Variants in SARS1 observed in about 807,000 individuals in gnomAD.
The protein encoded by SARS1 is serine--tRNA ligase, cytoplasmic.
In SARS1, 25 loss-of-function variants were observed where a neutral mutation model predicts 63.7. That is an observed-to-expected ratio of 0.39 (90% CI 0.29 to 0.55). SARS1 has a LOEUF of 0.55. Among genes scored for constraint, SARS1 ranks in the 20% least tolerant of loss-of-function variants. The pLI is 0.62. For synonymous variants in SARS1, 231 were observed against 243.5 expected (o/e 0.95, Z 0.48); for missense variants, 417 against 649.7 (o/e 0.64, Z 3.89).
At chr1:109,221,102 C>T (rs1208880148) in intron 1 of SARS1, among the ~76,000 whole-genome samples, 2 of 149,830 alleles carry the variant, frequency 1.3e-5, no homozygotes, top group African/African-American at 2.5e-5. Flanking sequence ...CATTCTGTTA[C>T]CAGGCTGGAA....
chr1:109,236,747 C>CTCT (rs1475864104), intron 9 of SARS1, 199 bp downstream of exon 9: 12 of 1,541,252 alleles, frequency 7.8e-6, no homozygotes, highest in Non-Finnish European at 1.0e-5. Flanking sequence ...GAATCTAGCT[C>CTCT]TCTTCTATAA....
chr1:109,234,518 C>A (rs1233285546), intron 6 of SARS1, among the ~76,000 whole-genome samples: 1 of 151,996 alleles, frequency 6.6e-6, no homozygotes, highest in Non-Finnish European at 1.5e-5. Context: ...AACCTGTAAG[C>A]ACCAAGAAAG....
At chr1:109,220,695 G>T (rs184737581) in intron 1 of SARS1, among the ~76,000 whole-genome samples, 27 of 152,188 alleles carry the variant, frequency 1.8e-4, no homozygotes, top group Middle Eastern at 3.4e-3. Context: ...ATGAATAGAA[G>T]TTCCTAATTT....
At position 109,235,944 on chromosome 1, in the gene SARS1, G is replaced by A. The variant is rs76926703; in HGVS notation, c.970-33G>A. ...TTCAGTCCTTTATTCACCCTATACC[G>A]CTGTCACCGTTTCCTTGGGTCCCTC... On this transcript the variant is annotated intron_variant, in intron 7 of 10. Transcript: ENST00000234677. This position sits in a 1 kb window ranked among gnomAD's most constrained non-coding sequence, Gnocchi z 4.7. 112 of 1,577,468 alleles carry A rather than the reference G, an allele frequency of 7.1e-5. No homozygotes were observed. The East Asian group carries it at 1.0e-3, about 14-fold the overall frequency.
intron 1 of SARS1, among the ~76,000 whole-genome samples, chr1:109,220,440 T>TA (rs2101186048): frequency 1.3e-5 from 2 of 152,384 alleles, no homozygotes; most frequent in South Asian, 4.1e-4. Flanking sequence ...GTCTCATTGT[T>TA]ATTTTAATTT....
At chr1:109,215,703 G>T (rs1424813650) in intron 1 of SARS1, 7 of 913,508 alleles carry the variant, frequency 7.7e-6, no homozygotes, top group Non-Finnish European at 9.2e-6. Context: ...TCTTTTCTTT[G>T]TTTTGTTTTG....
In SARS1 at chr1:109,214,461, C is replaced by A; in HGVS notation, c.136+333C>A. The A allele has an allele frequency of 1.0e-6, 1 of 958,282 alleles. No individual in the cohort carries two copies. The highest frequency in any genetic ancestry group is 1.3e-6 in the Non-Finnish European group (1 of 773,334). 59.4% of individuals were successfully genotyped at this position (958,282 alleles called of 1,614,324 possible). On this transcript the variant is annotated intron_variant, in intron 1 of 10. Coordinates refer to ENST00000234677, the MANE Select transcript of SARS1 (RefSeq NM_006513.4). This position sits in a 1 kb window ranked among gnomAD's most constrained non-coding sequence, Gnocchi z 4.6. Reference sequence around the variant, plus strand: ...GGGGCGGGAGGTTGTGGGGTCTACGCGGCTTTCCTAACACGAATCTTTGGT... The same window carrying A: ...GGGGCGGGAGGTTGTGGGGTCTACGAGGCTTTCCTAACACGAATCTTTGGT...
chr1:109,232,122 G>A (rs185249440), intron 6 of SARS1, among the ~76,000 whole-genome samples: 273 of 152,258 alleles, frequency 1.8e-3, no homozygotes, highest in Non-Finnish European at 3.0e-3. Context: ...TTGGGTGCTT[G>A]GACAAAAGGA....
Position 109,234,529 on chromosome 1 carries a change from CAG to C in SARS1, c.748-677_748-676del, listed in dbSNP as rs1655272138. Among the ~76,000 whole-genome samples, 2 of 152,042 alleles carry C rather than the reference CAG, an allele frequency of 1.3e-5. 1 individual carries two copies. The highest frequency in any genetic ancestry group is 4.8e-5 in the African/African-American group (2 of 41,380). On this transcript the variant is annotated intron_variant, in intron 6 of 10. Coordinates refer to ENST00000234677, the MANE Select transcript of SARS1 (RefSeq NM_006513.4). Reference sequence around the variant, plus strand: ...CACTAACCTGTAAGCACCAAGAAAGCAGAGACTGGTGTCCCTTTTTGCTCCAC... The same window carrying C: ...CACTAACCTGTAAGCACCAAGAAAGCAGACTGGTGTCCCTTTTTGCTCCAC...
intron 1 of SARS1, among the ~76,000 whole-genome samples, chr1:109,219,019 C>A (rs1381886907): frequency 6.6e-6 from 1 of 151,732 alleles, no homozygotes; most frequent in Non-Finnish European, 1.5e-5. Context: ...GTAATCCCAG[C>A]ACTTTGGGAG....
At chr1:109,231,436 T>C (rs1655209419) in intron 5 of SARS1, 195 bp from the exon 6 acceptor site, 1 of 411,692 alleles carries the variant, frequency 2.4e-6, no homozygotes, top group Non-Finnish European at 4.3e-6. Context: ...CCTGGATGAT[T>C]TGCTGGGCTT....
At chr1:109,216,448 T>G in intron 1 of SARS1, 1 of 985,398 alleles carries the variant, frequency 1.0e-6, no homozygotes, top group Non-Finnish European at 1.2e-6. Context: ...TTCTTCTTTT[T>G]AATTCAGAGT....
chr1:109,227,567 T>A (rs1236999698), intron 2 of SARS1, among the ~76,000 whole-genome samples: 1 of 152,130 alleles, frequency 6.6e-6, no homozygotes, highest in Non-Finnish European at 1.5e-5. Flanking sequence ...TCTTTCACCC[T>A]TAGCCTCAAT....
At chr1:109,231,259 A>G (rs1655205590) in intron 5 of SARS1, 2 of 268,672 alleles carry the variant, frequency 7.4e-6, no homozygotes, top group Non-Finnish European at 6.7e-6. Context: ...TCCATAATGA[A>G]TGTCTGTTTT....
At chr1:109,221,196 G>A (rs1200965214) in intron 1 of SARS1, among the ~76,000 whole-genome samples, 1 of 151,936 alleles carries the variant, frequency 6.6e-6, no homozygotes, top group Non-Finnish European at 1.5e-5. Flanking sequence ...GAGTAGCTGG[G>A]ACTACAGGTG....
chr1:109,231,804 G>A lies in SARS1; in HGVS notation c.747+18G>A, dbSNP rs372883530. ...TTTATAAGGTGAGTAGCCTGGGTCA[G>A]GTGACAGAATGACTTCTTAAGTTAT... On this transcript the variant is annotated intron_variant, in intron 6 of 10. Coordinates refer to ENST00000234677, the MANE Select transcript of SARS1 (RefSeq NM_006513.4). 828 of 1,494,540 alleles carry A rather than the reference G, an allele frequency of 5.5e-4. 1 individual carries two copies. The highest frequency in any genetic ancestry group is 7.1e-4 in the Non-Finnish European group (792 of 1,121,844). 92.6% of individuals were successfully genotyped at this position (1,494,540 alleles called of 1,614,324 possible).
intron 1 of SARS1, among the ~76,000 whole-genome samples, chr1:109,223,549 C>T (rs1655002868): frequency 6.6e-6 from 1 of 152,206 alleles, no homozygotes. Context: ...AGGCCGGGCA[C>T]AGTGGCTCAC....
At position 109,214,274 on chromosome 1, in the gene SARS1, C is replaced by G. The variant is rs1014650448; in HGVS notation, c.136+146C>G. ...GTGGCTCCGAGGTTCTCCCCATCCC[C>G]GAAAACACAGCCTGGTCGCCGGGGT... is the stretch of plus-strand genomic sequence containing the variant. On this transcript the variant is annotated intron_variant, in intron 1 of 10. Coordinates refer to ENST00000234677, the MANE Select transcript of SARS1 (RefSeq NM_006513.4). This position sits in a 1 kb window ranked among gnomAD's most constrained non-coding sequence, Gnocchi z 4.6. The G allele has an allele frequency of 1.9e-6, 2 of 1,033,518 alleles. No homozygotes were observed. The highest frequency in any genetic ancestry group is 3.3e-5 in the African/African-American group (2 of 61,008). The allele number at this position is 1,033,518 out of a possible 1,614,324, so 64.0% of individuals were successfully genotyped here. A position where few individuals can be genotyped will look rare whatever the true frequency, so the allele number is the denominator to read the frequency against.
intron 1 of SARS1, chr1:109,215,799 G>A (rs1032209468): frequency 9.2e-5 from 37 of 402,574 alleles, no homozygotes; most frequent in Non-Finnish European, 1.2e-4. Flanking sequence ...TCCATCTCCC[G>A]GTTTCAAGAG....
Sources: gnomAD v4.1 joint callset for allele counts (sites outside exome capture counted in the v4.1 genomes callset) on GRCh38, gnomAD v4.1.1 for gene constraint, Gnocchi (gnomAD v3.1) non-coding constraint, MANE v1.5 for transcripts, NCBI Gene and HGNC (gene_info 2026-07-23, HGNC 2026-07-21) for gene names.